The following TENM3 variants were observed in gnomAD, a reference collection of about 807,000 sequenced individuals.
The protein encoded by TENM3 is teneurin transmembrane protein 3.
A neutral mutation model predicts 255.1 loss-of-function variants in TENM3; 63 were observed. The ratio of observed to expected loss-of-function variants is 0.25; its 90% CI spans 0.20 to 0.30. The LOEUF (loss-of-function observed/expected upper bound fraction) is 0.30. TENM3 is among the 10% of genes least tolerant of loss of function. The probability of loss-of-function intolerance (pLI) is 1.00; values close to 1 mark genes in which losing one functional copy is unlikely to be tolerated. For missense variants in TENM3, 2,929 were observed against 3,461.1 expected (o/e 0.85, Z 3.86); for synonymous variants, 1,306 against 1,322.3 (o/e 0.99, Z 0.27).
the TENM3 span, among the ~76,000 whole-genome samples, chr4:181,916,174 A>G: frequency 6.6e-6 from 1 of 151,706 alleles, no homozygotes. Flanking sequence ...ACTTTCTCTC[A>G]AATCTCAACA....
intron 3 of TENM3, among the ~76,000 whole-genome samples, chr4:182,561,650 TA>T (rs887301541): frequency 1.3e-5 from 2 of 152,128 alleles, no homozygotes; most frequent in African/African-American, 4.8e-5. Flanking sequence ...CAGAATTGTT[TA>T]TATGGATAAA....
chr4:181,981,341 C>G, the TENM3 span, among the ~76,000 whole-genome samples: 4 of 152,144 alleles, frequency 2.6e-5, no homozygotes, highest in Admixed American at 1.3e-4. Flanking sequence ...TGGGGCTCCT[C>G]AAGTCCTGTT....
intron 1 of TENM3, among the ~76,000 whole-genome samples, chr4:182,195,881 A>C (rs1002568515): frequency 3.9e-5 from 6 of 152,204 alleles, no homozygotes; most frequent in African/African-American, 1.2e-4. Context: ...ATTCTCAGAA[A>C]AAAAAATTCT....
At chr4:182,516,335 A>G (rs1049588319) in intron 3 of TENM3, among the ~76,000 whole-genome samples, 1 of 152,196 alleles carries the variant, frequency 6.6e-6, no homozygotes, top group African/African-American at 2.4e-5. Context: ...AAGTTAACAA[A>G]TGTATAAACG....
At chr4:182,663,629 G>A (rs1431667561) in intron 6 of TENM3, among the ~76,000 whole-genome samples, 1 of 152,046 alleles carries the variant, frequency 6.6e-6, no homozygotes, top group Non-Finnish European at 1.5e-5. Context: ...TTCTAATCCT[G>A]TTTTCCTTTC....
intron 4 of TENM3, among the ~76,000 whole-genome samples, chr4:182,621,047 G>T (rs1051682979): frequency 2.6e-5 from 4 of 152,094 alleles, no homozygotes; most frequent in Non-Finnish European, 5.9e-5. Context: ...AGGACATGGT[G>T]GCGGGCGCCT....
intron 3 of TENM3, among the ~76,000 whole-genome samples, chr4:182,362,252 G>A (rs958809508): frequency 1.1e-4 from 17 of 152,248 alleles, no homozygotes; most frequent in Admixed American, 3.3e-4. Context: ...CTTCAAAGCT[G>A]TCAGACAGGG....
the TENM3 span, among the ~76,000 whole-genome samples, chr4:181,573,605 G>A: frequency 6.6e-6 from 1 of 152,066 alleles, no homozygotes; most frequent in Non-Finnish European, 1.5e-5. Flanking sequence ...ACTAGAACAA[G>A]GCTAATATAG....
At chr4:181,773,182 C>T in the TENM3 span, among the ~76,000 whole-genome samples, 1 of 152,238 alleles carries the variant, frequency 6.6e-6, no homozygotes, top group African/African-American at 2.4e-5. Flanking sequence ...CCTCAGCCTT[C>T]CCTCAAAAAC....
intron 3 of TENM3, among the ~76,000 whole-genome samples, chr4:182,517,295 T>C (rs1006413110): frequency 1.3e-5 from 2 of 152,086 alleles, no homozygotes; most frequent in Non-Finnish European, 2.9e-5. Flanking sequence ...GTCTCAGAGC[T>C]TCACGGTAGC....
chr4:182,401,725 A>G (rs1465194737), intron 3 of TENM3, among the ~76,000 whole-genome samples: 2 of 152,216 alleles, frequency 1.3e-5, no homozygotes, highest in African/African-American at 2.4e-5. Flanking sequence ...CCACAGACCT[A>G]AAGATTTCTT....
At chr4:182,603,768 TA>T (rs1310893865) in intron 4 of TENM3, among the ~76,000 whole-genome samples, 3 of 117,822 alleles carry the variant, frequency 2.5e-5, no homozygotes, top group Non-Finnish European at 3.6e-5. Flanking sequence ...CAATTATTTA[TA>T]TATATATATA....
chr4:181,664,272 C>A, the TENM3 span, among the ~76,000 whole-genome samples: 5 of 152,034 alleles, frequency 3.3e-5, no homozygotes, highest in African/African-American at 1.2e-4. Context: ...ATCCAAGACA[C>A]CAGCCTGGTC....
chr4:182,069,414 G>A, the TENM3 span, among the ~76,000 whole-genome samples: 1 of 152,074 alleles, frequency 6.6e-6, no homozygotes, highest in African/African-American at 2.4e-5. Context: ...AATTAGAAGA[G>A]ATGAGCAGGA....
the TENM3 span, among the ~76,000 whole-genome samples, chr4:181,453,384 C>A: frequency 6.6e-6 from 1 of 152,066 alleles, no homozygotes; most frequent in African/African-American, 2.4e-5. Context: ...TAGGTATGGA[C>A]ATCCTGTTTT....
At chr4:181,965,940 C>T in the TENM3 span, among the ~76,000 whole-genome samples, 2 of 152,192 alleles carry the variant, frequency 1.3e-5, no homozygotes, top group Non-Finnish European at 2.9e-5. Context: ...AGAAAGGTCC[C>T]TGTCCTTTCA....
chr4:181,931,480 G>T, the TENM3 span, among the ~76,000 whole-genome samples: 2 of 152,110 alleles, frequency 1.3e-5, no homozygotes, highest in Non-Finnish European at 2.9e-5. Flanking sequence ...ACCTCTTCAA[G>T]GGGAACTACA....
At chr4:181,691,387 A>G in the TENM3 span, among the ~76,000 whole-genome samples, 1 of 152,104 alleles carries the variant, frequency 6.6e-6, no homozygotes, top group Admixed American at 6.6e-5. Context: ...AAGATCGTAC[A>G]TTTCATATCA....
chr4:181,765,899 A>G, the TENM3 span, among the ~76,000 whole-genome samples: 1 of 152,220 alleles, frequency 6.6e-6, no homozygotes. Flanking sequence ...TACCATACAT[A>G]TCTGCATTAG....
Sources: gnomAD v4.1 joint callset for allele counts (sites outside exome capture counted in the v4.1 genomes callset) on GRCh38, gnomAD v4.1.1 for gene constraint, MANE v1.5 for transcripts, NCBI Gene and HGNC (gene_info 2026-07-23, HGNC 2026-07-21) for gene names.